ADAM23: variants seen among roughly 807,000 people sequenced by gnomAD.
ADAM23 encodes the protein ADAM metallopeptidase domain 23, also known as disintegrin and metalloproteinase domain-containing protein 23.
In ADAM23, 33 loss-of-function variants were observed where a neutral mutation model predicts 120.1. That is an observed-to-expected ratio of 0.27 (90% CI 0.21 to 0.37). ADAM23 has a LOEUF of 0.37. Ranked by LOEUF, ADAM23 falls within the 10% of genes least tolerant of loss-of-function variation. The probability of loss-of-function intolerance (pLI) is 1.00; values close to 1 mark genes in which losing one functional copy is unlikely to be tolerated. For missense variants in ADAM23, 862 were observed against 1,058.2 expected, an observed-to-expected ratio of 0.81 and a Z score of 2.57; for synonymous variants, 367 against 375.2, an observed-to-expected ratio of 0.98 and a Z score of 0.25.
At chr2:206,494,328 G>A (rs1193784996) in intron 3 of ADAM23, among the ~76,000 whole-genome samples, 1 of 152,150 alleles carries the variant, frequency 6.6e-6, no homozygotes, top group Non-Finnish European at 1.5e-5. Context: ...ATTCATTAAG[G>A]ACTGAGCTAA....
intron 25 of ADAM23, among the ~76,000 whole-genome samples, chr2:206,613,830 C>T (rs145004942): frequency 2.6e-5 from 4 of 152,236 alleles, no homozygotes; most frequent in East Asian, 1.9e-4. Flanking sequence ...GCACCTTAGG[C>T]GTTGCTATTT....
chr2:206,605,947 C>T (rs957226366), intron 24 of ADAM23: 15 of 603,480 alleles, frequency 2.5e-5, no homozygotes, highest in African/African-American at 2.4e-4. Flanking sequence ...ATGCCTGTAC[C>T]TGACTCCATG....
At position 206,542,153 on chromosome 2, in the gene ADAM23, G is replaced by A; in HGVS notation, c.656+19G>A. 6.2e-7 allele frequency: 1 copy of A among 1,610,712 alleles called. No individual in the cohort carries two copies. Among genetic ancestry groups the A allele is most frequent in the Non-Finnish European group, 8.5e-7 (1 of 1,176,918 alleles). On this transcript the variant is annotated intron_variant, in intron 5 of 25. Coordinates refer to ENST00000264377, the MANE Select transcript of ADAM23 (RefSeq NM_003812.4). ...GACTTCAGTAAGTGGGAATCTCATT[G>A]GCATTTTATTCATTGACCCTTTCCA...
intron 3 of ADAM23, among the ~76,000 whole-genome samples, chr2:206,518,094 C>T (rs1476487067): frequency 2.0e-5 from 3 of 152,144 alleles, no homozygotes; most frequent in Non-Finnish European, 4.4e-5. Flanking sequence ...TGTCTGGCTG[C>T]AGGAAAAATG....
chr2:206,549,394 A>G (rs910177952), intron 8 of ADAM23, among the ~76,000 whole-genome samples: 5 of 151,922 alleles, frequency 3.3e-5, no homozygotes, highest in Non-Finnish European at 5.9e-5. Flanking sequence ...AAAGTGATCA[A>G]TGACTATGTA....
chr2:206,532,845 C>G (rs958284609), intron 4 of ADAM23, among the ~76,000 whole-genome samples: 1 of 152,078 alleles, frequency 6.6e-6, no homozygotes, highest in Non-Finnish European at 1.5e-5. Context: ...CGAATAACTT[C>G]AAGGGAAGGC....
intron 24 of ADAM23, among the ~76,000 whole-genome samples, chr2:206,609,400 T>G (rs1017929760): frequency 3.3e-5 from 5 of 152,238 alleles, no homozygotes. Context: ...TTGACTTCCT[T>G]CTGACTGCTA....
intron 2 of ADAM23, 77 bp from the exon 3 acceptor site, chr2:206,481,154 TA>T: frequency 8.7e-7 from 1 of 1,147,902 alleles, no homozygotes; most frequent in Non-Finnish European, 1.2e-6. Context: ...TTATTCGTCT[TA>T]AATATCATTC....
At chr2:206,483,033 T>C (rs1312796575) in intron 3 of ADAM23, among the ~76,000 whole-genome samples, 1 of 152,142 alleles carries the variant, frequency 6.6e-6, no homozygotes, top group Non-Finnish European at 1.5e-5. Flanking sequence ...CTCATGGAAG[T>C]TCTGGTATTT....
At chr2:206,559,899 CG>C in intron 10 of ADAM23, 55 bp from the exon 11 acceptor site, 1 of 1,485,356 alleles carries the variant, frequency 6.7e-7, no homozygotes, top group South Asian at 1.3e-5. Flanking sequence ...ACTCACTGAT[CG>C]TGCATGTTTG....
rs532927154 is a variant in ADAM23 at position 206,536,756 on chromosome 2, A to G, written c.574-5296A>G. Among the ~76,000 whole-genome samples the G allele has an allele frequency of 2.0e-5, 3 of 152,184 alleles. No individual in the cohort carries two copies. The East Asian group carries it at 5.8e-4, about 29-fold the overall frequency. ...TGTCTCACTCTGTTGTTCAGGCTGG[A>G]GTGCAGTGGTGCAATCTTAGCTCAC... On this transcript the variant is annotated intron_variant, in intron 4 of 25. Coordinates refer to ENST00000264377, the MANE Select transcript of ADAM23 (RefSeq NM_003812.4).
intron 2 of ADAM23, among the ~76,000 whole-genome samples, chr2:206,449,597 A>C (rs190366687): frequency 3.0e-4 from 46 of 152,212 alleles, no homozygotes; most frequent in Admixed American, 2.2e-3. Flanking sequence ...GTGAAACCCC[A>C]TCTCTACTAA....
At chr2:206,463,992 A>C (rs1416877835) in intron 2 of ADAM23, among the ~76,000 whole-genome samples, 2 of 152,228 alleles carry the variant, frequency 1.3e-5, no homozygotes, top group African/African-American at 4.8e-5. Flanking sequence ...AAGCAATATT[A>C]AGCAGCTTTT....
At chr2:206,526,184 A>G (rs971538711) in intron 3 of ADAM23, among the ~76,000 whole-genome samples, 1 of 151,090 alleles carries the variant, frequency 6.6e-6, no homozygotes, top group African/African-American at 2.5e-5. Context: ...ACACACAGAC[A>G]CACACAGACA....
chr2:206,603,296 G>T (rs1698673106), intron 24 of ADAM23, among the ~76,000 whole-genome samples: 1 of 152,168 alleles, frequency 6.6e-6, no homozygotes, highest in South Asian at 2.1e-4. Context: ...GAGCTACTCA[G>T]TTAATTTATG....
At chr2:206,452,795 A>G (rs997225220) in intron 2 of ADAM23, among the ~76,000 whole-genome samples, 2 of 152,012 alleles carry the variant, frequency 1.3e-5, no homozygotes, top group Non-Finnish European at 2.9e-5. Context: ...CCAGCTATCT[A>G]AGAGTGAACC....
At chr2:206,490,367 C>T (rs993592162) in intron 3 of ADAM23, among the ~76,000 whole-genome samples, 31 of 152,194 alleles carry the variant, frequency 2.0e-4, no homozygotes, top group Admixed American at 2.0e-3. Flanking sequence ...TATTGCTCAC[C>T]TATTGCAGTG....
In ADAM23 at chr2:206,458,736, T is replaced by TC. The variant is rs200285488; in HGVS notation, c.432+13216dup. Among the ~76,000 whole-genome samples, 1,453 of 152,272 alleles carry TC rather than the reference T, an allele frequency of 9.5e-3. 10 individuals carry two copies. The highest frequency in any genetic ancestry group is 0.015 in the Non-Finnish European group (1,043 of 68,020). On this transcript the variant is annotated intron_variant, in intron 2 of 25. Coordinates refer to ENST00000264377, the MANE Select transcript of ADAM23 (RefSeq NM_003812.4). ...AATAGCACACGTTCAGATGATAATT[T>TC]CCCCAAGATGTATTCCAATTAGACA...
chr2:206,551,490 T>C (rs1211775098), intron 9 of ADAM23, among the ~76,000 whole-genome samples: 3 of 152,206 alleles, frequency 2.0e-5, no homozygotes, highest in African/African-American at 7.2e-5. Context: ...GAGAATCTTT[T>C]AAAAAATGCA....
Sources: gnomAD v4.1 joint callset for allele counts (sites outside exome capture counted in the v4.1 genomes callset) on GRCh38, gnomAD v4.1.1 for gene constraint, MANE v1.5 for transcripts, NCBI Gene and HGNC (gene_info 2026-07-23, HGNC 2026-07-21) for gene names.